Variants in SCHIP1 observed in about 807,000 individuals in gnomAD.
The protein encoded by SCHIP1 is schwannomin-interacting protein 1.
Under a neutral mutation model 29.7 loss-of-function variants are expected in SCHIP1, and 8 were observed. The observed-to-expected ratio is 0.27, with a 90% confidence interval of 0.16 to 0.49. The LOEUF is 0.49. SCHIP1 is among the 20% of genes least tolerant of loss of function. The pLI, the probability that SCHIP1 is intolerant of heterozygous loss-of-function variation, is 0.99. For missense variants in SCHIP1, 193 were observed against 294.6 expected, an observed-to-expected ratio of 0.66 and a Z score of 2.52; for synonymous variants, 76 against 94.9, an observed-to-expected ratio of 0.80 and a Z score of 1.16.
At chr3:159,390,077 G>A in the SCHIP1 span, among the ~76,000 whole-genome samples, 1 of 151,760 alleles carries the variant, frequency 6.6e-6, no homozygotes, top group Non-Finnish European at 1.5e-5. Context: ...TAAAATGTTT[G>A]TTCTTCAATT....
chr3:159,302,850 G>T, the SCHIP1 span, among the ~76,000 whole-genome samples: 1 of 152,202 alleles, frequency 6.6e-6, no homozygotes, highest in African/African-American at 2.4e-5. Context: ...TGGGCAAACT[G>T]AGACCGGTGG....
At chr3:159,539,857 C>T in the SCHIP1 span, among the ~76,000 whole-genome samples, 1 of 83,536 alleles carries the variant, frequency 1.2e-5, no homozygotes, top group African/African-American at 3.3e-5. Flanking sequence ...AAAAATCTTA[C>T]ATTGAGAACT....
chr3:159,853,555 G>T (rs1311918559), intron 1 of SCHIP1: 2 of 547,998 alleles, frequency 3.6e-6, no homozygotes, highest in African/African-American at 1.9e-5. Context: ...ACACTCAGTG[G>T]CTATTGCCAT....
the SCHIP1 span, among the ~76,000 whole-genome samples, chr3:159,643,651 C>T: frequency 6.6e-6 from 1 of 152,066 alleles, no homozygotes; most frequent in Non-Finnish European, 1.5e-5. Context: ...ATACTAATGT[C>T]CTTGACTATT....
At chr3:159,555,635 A>AT in the SCHIP1 span, among the ~76,000 whole-genome samples, 1 of 152,078 alleles carries the variant, frequency 6.6e-6, no homozygotes, top group Non-Finnish European at 1.5e-5. Context: ...GTCAGGTATG[A>AT]TTTTTTAAAT....
the SCHIP1 span, among the ~76,000 whole-genome samples, chr3:159,350,184 T>C: frequency 2.0e-5 from 3 of 152,122 alleles, no homozygotes; most frequent in Non-Finnish European, 4.4e-5. Context: ...TGATTTTAGT[T>C]TCACAATAAC....
chr3:159,637,634 T>A, the SCHIP1 span, among the ~76,000 whole-genome samples: 1 of 152,196 alleles, frequency 6.6e-6, no homozygotes, highest in Non-Finnish European at 1.5e-5. Flanking sequence ...GAAAATCTAG[T>A]GTTTAAATTA....
At chr3:159,426,255 T>G in the SCHIP1 span, among the ~76,000 whole-genome samples, 1 of 152,078 alleles carries the variant, frequency 6.6e-6, no homozygotes, top group Non-Finnish European at 1.5e-5. Flanking sequence ...GATGGTTTTT[T>G]GAAAGGATCA....
the SCHIP1 span, among the ~76,000 whole-genome samples, chr3:159,384,836 G>C: frequency 4.6e-5 from 7 of 152,236 alleles, no homozygotes; most frequent in South Asian, 1.5e-3. Context: ...GTTTAGTCTT[G>C]GGAGGGTGTA....
the SCHIP1 span, among the ~76,000 whole-genome samples, chr3:159,545,487 G>C: frequency 6.6e-6 from 1 of 151,658 alleles, no homozygotes. Flanking sequence ...TTGGAACCTG[G>C]ACTGGCTCTC....
the SCHIP1 span, among the ~76,000 whole-genome samples, chr3:159,827,775 G>A: frequency 4.6e-4 from 69 of 149,894 alleles, no homozygotes; most frequent in South Asian, 2.9e-3. Context: ...ACTGCAGTCC[G>A]CAGTCCGGCT....
At chr3:159,300,777 T>A in the SCHIP1 span, among the ~76,000 whole-genome samples, 1 of 152,156 alleles carries the variant, frequency 6.6e-6, no homozygotes, top group Non-Finnish European at 1.5e-5. Flanking sequence ...GTCTTCTTTC[T>A]CAAGCCATAA....
the SCHIP1 span, among the ~76,000 whole-genome samples, chr3:159,572,692 C>A: frequency 1.3e-5 from 2 of 152,066 alleles, no homozygotes; most frequent in Non-Finnish European, 2.9e-5. Context: ...CTGTCTTGAT[C>A]TGTCTGATAT....
chr3:159,329,867 G>T, the SCHIP1 span, among the ~76,000 whole-genome samples: 265 of 138,250 alleles, frequency 1.9e-3, 2 homozygotes, highest in African/African-American at 8.6e-3. Context: ...AGCACCGTTA[G>T]TATTTTTTTT....
chr3:159,307,657 G>A, the SCHIP1 span, among the ~76,000 whole-genome samples: 179 of 152,204 alleles, frequency 1.2e-3, no homozygotes, highest in African/African-American at 4.2e-3. Context: ...CCAGTGTTAA[G>A]AAGAGTACTT....
At chr3:159,450,641 C>T in the SCHIP1 span, among the ~76,000 whole-genome samples, 1 of 152,110 alleles carries the variant, frequency 6.6e-6, no homozygotes, top group Admixed American at 6.6e-5. Context: ...AGAGCAGGAG[C>T]GTGGCACTTG....
the SCHIP1 span, among the ~76,000 whole-genome samples, chr3:159,322,207 C>T: frequency 5.3e-5 from 8 of 152,122 alleles, no homozygotes; most frequent in African/African-American, 1.7e-4. Context: ...TCTAACTGAG[C>T]ATCCACCGTG....
chr3:159,491,282 T>C, the SCHIP1 span, among the ~76,000 whole-genome samples: 1,719 of 152,282 alleles, frequency 0.011, 25 homozygotes, highest in Non-Finnish European at 0.016. Context: ...CAGCACACCA[T>C]GCATGAGTCG....
the SCHIP1 span, among the ~76,000 whole-genome samples, chr3:159,581,702 A>AAAGTAAAGTCTACCTGATTTCAAGACTAC: frequency 6.6e-6 from 1 of 152,208 alleles, no homozygotes; most frequent in Non-Finnish European, 1.5e-5. Flanking sequence ...TTTTAAAAGG[A>AAAGTAAAGTCTACCTGATTTCAAGACTAC]AAGTAAAGTC....
Sources: allele counts gnomAD v4.1 joint callset (sites outside exome capture counted in the v4.1 genomes callset), GRCh38; gene constraint gnomAD v4.1.1; transcripts MANE v1.5; gene names NCBI Gene and HGNC (gene_info 2026-07-23, HGNC 2026-07-21).